Variants in TTC1 observed in about 807,000 individuals in gnomAD.
TTC1 encodes tetratricopeptide repeat protein 1.
A neutral mutation model predicts 37.6 loss-of-function variants in TTC1; 31 were observed. That is an observed-to-expected ratio of 0.82 (90% confidence interval 0.62 to 1.11). TTC1 has a LOEUF of 1.11. Ranked by LOEUF, TTC1 falls within the 50% of genes most tolerant of loss-of-function variation. The pLI, the probability that TTC1 is intolerant of heterozygous loss-of-function variation, is 0.00. For synonymous variants in TTC1, 127 were observed against 122.4 expected, an observed-to-expected ratio of 1.04 and a Z score of -0.25; for missense variants, 351 against 339.0, an observed-to-expected ratio of 1.04 and a Z score of -0.28.
At chr5:160,010,402 G>A (rs1251988802) in intron 1 of TTC1, 98 bp from the exon 2 acceptor site, 1 of 668,786 alleles carries the variant, frequency 1.5e-6, no homozygotes, top group African/African-American at 1.8e-5. Flanking sequence ...ATTACGGTGT[G>A]TTTTTTGGCT....
chr5:160,036,589 C>A, intron 3 of TTC1, 102 bp from the exon 4 acceptor site: 2 of 782,244 alleles, frequency 2.6e-6, no homozygotes, highest in Non-Finnish European at 4.3e-6. Context: ...AACTCAAAAC[C>A]TTCATCCTAT....
intron 4 of TTC1, among the ~76,000 whole-genome samples, chr5:160,037,270 CT>C (rs1196729842): frequency 6.6e-6 from 1 of 152,178 alleles, no homozygotes; most frequent in Non-Finnish European, 1.5e-5. Flanking sequence ...TCTCCAACAG[CT>C]GGGATAAAAG....
intron 7 of TTC1, among the ~76,000 whole-genome samples, chr5:160,064,517 G>T (rs1163254833): frequency 6.6e-6 from 1 of 152,236 alleles, no homozygotes; most frequent in Non-Finnish European, 1.5e-5. Context: ...AGAGAGAAGA[G>T]ACTTGGAGGG....
intron 5 of TTC1, 116 bp from the exon 6 acceptor site, chr5:160,049,398 G>T: frequency 9.9e-7 from 1 of 1,010,298 alleles, no homozygotes; most frequent in Non-Finnish European, 1.4e-6. Context: ...TATACACTTG[G>T]CAAATGACTC....
intron 2 of TTC1, among the ~76,000 whole-genome samples, chr5:160,029,003 C>T (rs1201022201): frequency 1.3e-5 from 2 of 152,144 alleles, no homozygotes; most frequent in African/African-American, 2.4e-5. Context: ...ACTTTGGACA[C>T]AGACTCTTGA....
At chr5:160,014,151 G>A (rs895639520) in intron 2 of TTC1, among the ~76,000 whole-genome samples, 11 of 151,754 alleles carry the variant, frequency 7.2e-5, no homozygotes, top group African/African-American at 2.2e-4. Context: ...TCAGGAGTTC[G>A]ACCCGAGACC....
rs184851534 is a variant in TTC1, at chr5:160,021,978, A to G, written c.330+11120A>G. On this transcript the variant is annotated intron_variant, in intron 2 of 7. Transcript: ENST00000231238. ...GGGTACTGTGCTTGGCATAAAGTGT[A>G]TGCCGTTTTATTTTGTAGCAATTAC... Among the ~76,000 whole-genome samples, 3 of 152,250 alleles carry G rather than the reference A, an allele frequency of 2.0e-5. No individual in the cohort carries two copies. In the East Asian group the frequency reaches 5.8e-4, roughly 29 times the overall value.
At chr5:160,052,183 G>A (rs1757418862) in intron 7 of TTC1, among the ~76,000 whole-genome samples, 1 of 152,208 alleles carries the variant, frequency 6.6e-6, no homozygotes, top group African/African-American at 2.4e-5. Flanking sequence ...AAGGGAGGGG[G>A]ATGGGGGAGC....
intron 2 of TTC1, among the ~76,000 whole-genome samples, chr5:160,014,757 A>T (rs1017758061): frequency 6.6e-6 from 1 of 152,294 alleles, no homozygotes; most frequent in African/African-American, 2.4e-5. Context: ...TAAGTACCAT[A>T]TTGGACATGA....
chr5:160,020,148 C>T (rs547720221), intron 2 of TTC1, among the ~76,000 whole-genome samples: 17 of 152,142 alleles, frequency 1.1e-4, no homozygotes, highest in African/African-American at 3.4e-4. Flanking sequence ...AGGCTGGTCT[C>T]GAACTCCTGA....
intron 4 of TTC1, among the ~76,000 whole-genome samples, chr5:160,041,759 A>G (rs761796905): frequency 4.6e-5 from 7 of 152,188 alleles, no homozygotes; most frequent in Non-Finnish European, 1.0e-4. Flanking sequence ...TTATACTCCT[A>G]TGGGACTACT....
chr5:160,065,529 A>C lies in TTC1; in HGVS notation c.*464A>C. The C allele has an allele frequency of 2.5e-6, 1 of 397,968 alleles. No individual in the cohort carries two copies. The highest frequency in any genetic ancestry group is 5.0e-6 in the Non-Finnish European group (1 of 201,248). 24.7% of individuals were successfully genotyped at this position (397,968 alleles called of 1,614,324 possible). On this transcript the variant is annotated 3_prime_UTR_variant, in exon 8 of 8. Coordinates refer to ENST00000231238, the MANE Select transcript of TTC1 (RefSeq NM_003314.3). ...TCCTGATTTCCTCTGTGGTAATAAA[A>C]GCTTTCTGTGCTTAGGTCTGGGTTA...
chr5:160,049,017 G>A (rs977708863), intron 5 of TTC1, among the ~76,000 whole-genome samples: 2 of 152,130 alleles, frequency 1.3e-5, no homozygotes, highest in Admixed American at 6.6e-5. Flanking sequence ...GTCCTGGACT[G>A]GGTAAATGAC....
In TTC1 at chr5:160,062,815, T is replaced by C. The variant is rs573061135; in HGVS notation, c.746-2117T>C. Among the ~76,000 whole-genome samples, 111 of 152,208 alleles carry C rather than the reference T, an allele frequency of 7.3e-4. 1 individual carries two copies. The highest frequency in any genetic ancestry group is 1.4e-3 in the Non-Finnish European group (94 of 67,984). ...TTGGGCTGCTTTTGATGGTTTTTTT[T>C]TTCCCCCTTCCTGTCCTCTTTTTCC... On this transcript the variant is annotated intron_variant, in intron 7 of 7. Coordinates refer to ENST00000231238, the MANE Select transcript of TTC1 (RefSeq NM_003314.3).
Position 160,049,613 on chromosome 5 carries a change from C to T in TTC1, c.641C>T (p.Ser214Phe). The T allele has an allele frequency of 6.2e-7, 1 of 1,607,750 alleles. No individual in the cohort carries two copies. The highest frequency in any genetic ancestry group is 8.5e-7 in the Non-Finnish European group (1 of 1,177,860). ...KLDEALEDYK[S>F]ILEKDPSIHQ... ...GATGAAGCCCTGGAAGACTATAAATCTATATTAGAAAAAGATCCATCAATA... is the reference window on the plus strand; with the variant it reads ...GATGAAGCCCTGGAAGACTATAAATTTATATTAGAAAAAGATCCATCAATA... The change falls in exon 6 of 8, where the codon TCT (serine) becomes TTT (phenylalanine). Residue 214 changes from serine (S) to phenylalanine (F), a missense_variant. Ser to Phe is a radical substitution (Grantham distance 155, BLOSUM62 -2). Transcript: ENST00000231238.
At chr5:160,021,061 T>A (rs1756695483) in intron 2 of TTC1, among the ~76,000 whole-genome samples, 2 of 152,194 alleles carry the variant, frequency 1.3e-5, no homozygotes, top group African/African-American at 4.8e-5. Flanking sequence ...ACGTTCAGTA[T>A]TTCCTGTGTT....
chr5:160,021,945 T>G (rs1253052023), intron 2 of TTC1, among the ~76,000 whole-genome samples: 1 of 152,158 alleles, frequency 6.6e-6, no homozygotes, highest in Non-Finnish European at 1.5e-5. Context: ...CTGGGTACTG[T>G]GATCCCTGGG....
At chr5:160,027,195 A>G (rs950560667) in intron 2 of TTC1, among the ~76,000 whole-genome samples, 3 of 151,734 alleles carry the variant, frequency 2.0e-5, no homozygotes, top group African/African-American at 7.3e-5. Context: ...TGCCCAGCTA[A>G]TTTTTGTATT....
chr5:160,043,316 A>G lies in TTC1; in HGVS notation c.541+147A>G, dbSNP rs981077637. 7.5e-6 allele frequency: 5 copies of G among 668,778 alleles called. 1 individual carries two copies. In the Middle Eastern group the frequency reaches 7.7e-4, roughly 103 times the overall value. 41.4% of individuals were successfully genotyped at this position (668,778 alleles called of 1,614,324 possible). A position where few individuals can be genotyped will look rare whatever the true frequency, so the allele number is the denominator to read the frequency against. On this transcript the variant is annotated intron_variant, in intron 5 of 7. Coordinates refer to ENST00000231238, the MANE Select transcript of TTC1 (RefSeq NM_003314.3). ...CTTTATAATTATTTTCAAAGATACT[A>G]TATAATAGAGTAACTGCTTTTGAAT... is the stretch of plus-strand genomic sequence containing the variant.
Sources: allele counts gnomAD v4.1 joint callset (sites outside exome capture counted in the v4.1 genomes callset), GRCh38; gene constraint gnomAD v4.1.1; transcripts MANE v1.5; gene names NCBI Gene and HGNC (gene_info 2026-07-23, HGNC 2026-07-21).